EIF2AK4: variants seen among roughly 807,000 people sequenced by gnomAD.
EIF2AK4 encodes the protein eukaryotic translation initiation factor 2 alpha kinase 4, also known as eIF-2-alpha kinase GCN2.
Under a neutral mutation model 211.1 loss-of-function variants are expected in EIF2AK4, and 139 were observed. The observed-to-expected ratio is 0.66, with a 90% confidence interval of 0.57 to 0.76. The LOEUF (loss-of-function observed/expected upper bound fraction) is 0.76, where lower values mean the gene tolerates loss of function less well. Ranked by LOEUF, EIF2AK4 falls within the 30% of genes least tolerant of loss-of-function variation. The pLI, the probability that EIF2AK4 is intolerant of heterozygous loss-of-function variation, is 0.00. For missense variants in EIF2AK4, 1,664 were observed against 2,043.8 expected (o/e 0.81, Z 3.58); for synonymous variants, 710 against 751.3 (o/e 0.94, Z 0.90).
At chr15:40,027,584 G>T (rs935751261) in intron 33 of EIF2AK4, among the ~76,000 whole-genome samples, 27 of 152,154 alleles carry the variant, frequency 1.8e-4, no homozygotes, top group African/African-American at 6.5e-4. Context: ...CCATAAATAG[G>T]ATGTTTAATA....
intron 21 of EIF2AK4, chr15:40,002,500 T>C (rs1644840878): frequency 2.1e-6 from 1 of 480,222 alleles, no homozygotes; most frequent in African/African-American, 2.0e-5. Context: ...ATCCTTCCCA[T>C]TGGTTGAAAG....
intron 26 of EIF2AK4, 21 bp from the exon 27 acceptor site, chr15:40,011,260 T>TA: frequency 6.2e-7 from 1 of 1,612,314 alleles, no homozygotes; most frequent in South Asian, 1.1e-5. Context: ...CTCTCATTGT[T>TA]ACCTTTTTCT....
intron 19 of EIF2AK4, among the ~76,000 whole-genome samples, chr15:39,998,257 G>GTTTTTTTTTT (rs752625722): frequency 1.8e-5 from 2 of 109,756 alleles, no homozygotes; most frequent in African/African-American, 3.2e-5. Context: ...TATGGGTGTG[G>GTTTTTTTTTT]TTTTTTTTTT....
intron 16 of EIF2AK4, chr15:39,991,924 G>C (rs2034949245): frequency 5.8e-6 from 2 of 343,906 alleles, no homozygotes; most frequent in African/African-American, 4.2e-5. Flanking sequence ...TTCTCTAAGT[G>C]TTTGCATATT....
intron 9 of EIF2AK4, among the ~76,000 whole-genome samples, chr15:39,970,668 G>A (rs778406412): frequency 6.6e-6 from 1 of 152,154 alleles, no homozygotes; most frequent in Admixed American, 6.5e-5. Flanking sequence ...TTGGATGGTT[G>A]TATGTTTATG....
chr15:40,030,464 G>A lies in EIF2AK4; in HGVS notation c.4659+8G>A. 6.2e-7 allele frequency: 1 copy of A among 1,612,452 alleles called. No homozygotes were observed. Among genetic ancestry groups the A allele is most frequent in the Non-Finnish European group, 8.5e-7 (1 of 1,179,202 alleles). On this transcript the variant is annotated splice_region_variant and intron_variant, in intron 35 of 38. Transcript: ENST00000263791. ...AGGCGCTATGAAACTCAGGTACACT[G>A]GGTCAGGGTTTCTTTGGCTTTCTAA...
At chr15:39,948,537 C>CT (rs1202156272) in intron 3 of EIF2AK4, among the ~76,000 whole-genome samples, 2 of 152,234 alleles carry the variant, frequency 1.3e-5, no homozygotes, top group Admixed American at 6.5e-5. Context: ...CTATCTGTGA[C>CT]TGCTTCTCTA....
chr15:40,025,591 T>G (rs11070245), intron 32 of EIF2AK4, among the ~76,000 whole-genome samples: 70,120 of 151,828 alleles, frequency 0.46, 16,745 homozygotes, highest in Non-Finnish European at 0.54. Flanking sequence ...CTGACCAGAT[T>G]TAAAGGGGAA....
chr15:39,986,136 C>A (rs530039583), intron 14 of EIF2AK4, among the ~76,000 whole-genome samples: 1 of 152,220 alleles, frequency 6.6e-6, no homozygotes, highest in African/African-American at 2.4e-5. Context: ...CATCCTGGAT[C>A]CACCTGTTAG....
chr15:39,998,278 T>G (rs2035046369), intron 19 of EIF2AK4, among the ~76,000 whole-genome samples: 1 of 150,270 alleles, frequency 6.7e-6, no homozygotes, highest in East Asian at 1.9e-4. Flanking sequence ...TTGTTTTGTT[T>G]TTTTTTGCCT....
At chr15:39,935,871 T>TTTTTAACC (rs2034057727) in intron 1 of EIF2AK4, among the ~76,000 whole-genome samples, 1 of 152,218 alleles carries the variant, frequency 6.6e-6, no homozygotes, top group Non-Finnish European at 1.5e-5. Context: ...TATGAAGTTA[T>TTTTTAACC]TTTTAACCTG....
chr15:40,008,294 C>T, intron 25 of EIF2AK4, 99 bp downstream of exon 25: 3 of 1,068,022 alleles, frequency 2.8e-6, no homozygotes, highest in Non-Finnish European at 3.9e-6. Context: ...CTCAGTCTGT[C>T]CTGCAGATGA....
intron 37 of EIF2AK4, 71 bp downstream of exon 37, chr15:40,032,872 A>G (rs975361575): frequency 8.2e-6 from 11 of 1,337,576 alleles, no homozygotes; most frequent in Middle Eastern, 2.1e-4. Flanking sequence ...TTGCCAAAAT[A>G]CTGAAGACGG....
intron 2 of EIF2AK4, among the ~76,000 whole-genome samples, chr15:39,940,787 A>AC (rs1384811182): frequency 6.6e-6 from 1 of 151,892 alleles, no homozygotes; most frequent in Non-Finnish European, 1.5e-5. Context: ...GTTAGCAAAG[A>AC]CCCCACAGAT....
intron 18 of EIF2AK4, among the ~76,000 whole-genome samples, chr15:39,995,913 C>T (rs901019525): frequency 1.3e-5 from 2 of 152,116 alleles, no homozygotes; most frequent in South Asian, 2.1e-4. Context: ...GAATACAATG[C>T]GTTATTATTA....
chr15:40,013,873 T>C (rs1305009899), intron 27 of EIF2AK4, among the ~76,000 whole-genome samples: 1 of 152,198 alleles, frequency 6.6e-6, no homozygotes, highest in Non-Finnish European at 1.5e-5. Flanking sequence ...TCTTAACTCA[T>C]TTCAGCATTA....
chr15:40,016,733 G>A, intron 28 of EIF2AK4, 61 bp downstream of exon 28: 1 of 1,555,718 alleles, frequency 6.4e-7, no homozygotes, highest in East Asian at 2.3e-5. Context: ...GCACAGGGAG[G>A]AAATGTGTTT....
Position 39,967,607 on chromosome 15 carries a change from T to C in EIF2AK4, c.1281T>C (p.Ser427=), listed in dbSNP as rs1443670397. ...ATTCTGTGGTGCATAAGGTCCTGAG[T>C]GCATCTAATGTCTTGGTGGATGCAG... ...HSNSVVHKVL[S]ASNVLVDAEG... is the part of the protein sequence containing the mutation. Residue 427 remains serine, a synonymous_variant, in exon 9 of 39, where the codon AGT becomes AGC. Coordinates refer to ENST00000263791, the MANE Select transcript of EIF2AK4 (RefSeq NM_001013703.4). 1 of 1,614,130 alleles carries C rather than the reference T, an allele frequency of 6.2e-7. No individual in the cohort carries two copies. Among genetic ancestry groups the C allele is most frequent in the South Asian group, 1.1e-5 (1 of 91,066 alleles).
At chr15:39,964,962 A>T (rs1566987982) in intron 7 of EIF2AK4, among the ~76,000 whole-genome samples, 1 of 152,186 alleles carries the variant, frequency 6.6e-6, no homozygotes. Flanking sequence ...TGTGCACACT[A>T]ATCTATAATG....
Sources: gnomAD v4.1 joint callset for allele counts (sites outside exome capture counted in the v4.1 genomes callset) on GRCh38, gnomAD v4.1.1 for gene constraint, MANE v1.5 for transcripts, NCBI Gene and HGNC (gene_info 2026-07-23, HGNC 2026-07-21) for gene names.